The following APBB2 variants were observed in gnomAD, a reference collection of about 807,000 sequenced individuals.
APBB2 encodes the protein Fe65-like 1.
APBB2 carries 38 observed loss-of-function variants against 82.5 expected under a neutral mutation model. The ratio of observed to expected loss-of-function variants is 0.46; its 90% CI spans 0.36 to 0.60. APBB2 has a LOEUF of 0.60. Ranked by LOEUF, APBB2 falls within the 20% of genes least tolerant of loss-of-function variation. APBB2 has a pLI of 0.00. For missense variants in APBB2, 772 were observed against 972.3 expected (o/e 0.79, Z 2.74); for synonymous variants, 341 against 368.2 (o/e 0.93, Z 0.85).
chr4:41,037,943 G>A (rs899416820), intron 4 of APBB2, among the ~76,000 whole-genome samples: 1 of 151,996 alleles, frequency 6.6e-6, no homozygotes, highest in African/African-American at 2.4e-5. Flanking sequence ...AATGACATAC[G>A]GAGTTTAGAG....
chr4:41,067,050 G>A (rs1490750854), intron 3 of APBB2, among the ~76,000 whole-genome samples: 1 of 152,194 alleles, frequency 6.6e-6, no homozygotes, highest in Non-Finnish European at 1.5e-5. Flanking sequence ...CACATGGGTG[G>A]ATGGTAGTGA....
chr4:40,872,602 C>T (rs1333128869), intron 12 of APBB2, among the ~76,000 whole-genome samples: 1 of 151,964 alleles, frequency 6.6e-6, no homozygotes, highest in Non-Finnish European at 1.5e-5. Context: ...CATGGGTATC[C>T]AATAAATCCC....
chr4:40,976,124 G>A (rs1435620863), intron 6 of APBB2, among the ~76,000 whole-genome samples: 1 of 151,700 alleles, frequency 6.6e-6, no homozygotes, highest in Non-Finnish European at 1.5e-5. Flanking sequence ...AATGTTTAAG[G>A]CTATTTTTGT....
chr4:41,101,145 C>T (rs1300111298), intron 2 of APBB2, among the ~76,000 whole-genome samples: 1 of 152,182 alleles, frequency 6.6e-6, no homozygotes, highest in African/African-American at 2.4e-5. Flanking sequence ...ATGAGCTCAT[C>T]TTATCAACAC....
At chr4:40,889,447 G>C (rs912359738) in intron 12 of APBB2, among the ~76,000 whole-genome samples, 4 of 152,192 alleles carry the variant, frequency 2.6e-5, no homozygotes, top group African/African-American at 9.7e-5. Flanking sequence ...ATAAGCTCAG[G>C]AGAGCCGCCT....
At chr4:41,043,532 T>C (rs893473935) in intron 4 of APBB2, among the ~76,000 whole-genome samples, 1 of 152,210 alleles carries the variant, frequency 6.6e-6, no homozygotes, top group African/African-American at 2.4e-5. Context: ...AATCTTTTTA[T>C]GGTAAAATAA....
chr4:41,166,648 C>G (rs1168289330), intron 1 of APBB2, among the ~76,000 whole-genome samples: 1 of 151,038 alleles, frequency 6.6e-6, no homozygotes. Context: ...GTAATCCCAA[C>G]ACTTTGGGAG....
At chr4:40,942,631 C>G (rs982407173) in intron 7 of APBB2, among the ~76,000 whole-genome samples, 1 of 151,598 alleles carries the variant, frequency 6.6e-6, no homozygotes, top group South Asian at 2.1e-4. Context: ...GTGAGGAGGC[C>G]GAGCAGCGGG....
At chr4:41,009,265 G>A (rs1181347727) in intron 6 of APBB2, among the ~76,000 whole-genome samples, 1 of 140,344 alleles carries the variant, frequency 7.1e-6, no homozygotes, top group Non-Finnish European at 1.5e-5. Context: ...TTCTCACTTT[G>A]CAGTAGCAAG....
intron 4 of APBB2, among the ~76,000 whole-genome samples, chr4:41,034,123 C>T (rs545473390): frequency 2.0e-5 from 3 of 152,250 alleles, no homozygotes; most frequent in Admixed American, 6.5e-5. Context: ...TCCCACTGCT[C>T]GGCAATTCCA....
At chr4:41,049,925 TCG>T (rs1313154592) in intron 4 of APBB2, among the ~76,000 whole-genome samples, 1 of 152,032 alleles carries the variant, frequency 6.6e-6, no homozygotes, top group African/African-American at 2.4e-5. Context: ...GGCAGCATGC[TCG>T]TTAAGAGTCA....
chr4:41,081,003 C>T (rs894311566), intron 3 of APBB2, among the ~76,000 whole-genome samples: 1 of 152,192 alleles, frequency 6.6e-6, no homozygotes. Context: ...CCACCTGCCT[C>T]GGCCTGTAAA....
chr4:41,191,896 G>A (rs555596834), intron 1 of APBB2, among the ~76,000 whole-genome samples: 40 of 152,166 alleles, frequency 2.6e-4, no homozygotes, highest in African/African-American at 8.9e-4. Flanking sequence ...TGGCGGTCAC[G>A]ATCCAAAATT....
chr4:41,108,719 G>A (rs574501647), intron 2 of APBB2, among the ~76,000 whole-genome samples: 1 of 152,198 alleles, frequency 6.6e-6, no homozygotes, highest in Non-Finnish European at 1.5e-5. Flanking sequence ...CTGCATCAAG[G>A]GCAGTGTCTG....
Position 41,103,586 on chromosome 4 carries a change from T to C in APBB2, c.-260-2836A>G, listed in dbSNP as rs145290516. Among the ~76,000 whole-genome samples, 73 of 152,202 alleles carry C rather than the reference T, an allele frequency of 4.8e-4. No homozygotes were observed. In the East Asian group the frequency reaches 0.01, roughly 21 times the overall value. On this transcript the variant is annotated intron_variant, in intron 2 of 17. Transcript: ENST00000508593. ...GCAGTATTGAGAAAGTAGACTATAA[T>C]GTAATATACTCATCTTCCCAGTTTT...
At chr4:41,198,873 C>T (rs1030582191) in intron 1 of APBB2, among the ~76,000 whole-genome samples, 3 of 152,196 alleles carry the variant, frequency 2.0e-5, no homozygotes, top group Non-Finnish European at 4.4e-5. Context: ...CCTCCATCTT[C>T]GCATGTCTTC....
At chr4:40,993,397 T>C (rs2154413892) in intron 6 of APBB2, among the ~76,000 whole-genome samples, 1 of 150,994 alleles carries the variant, frequency 6.6e-6, no homozygotes, top group African/African-American at 2.4e-5. Flanking sequence ...ACAAAAATGT[T>C]TTTTGAGACA....
chr4:40,816,531 T>C (rs1745710029), intron 17 of APBB2, among the ~76,000 whole-genome samples: 1 of 152,206 alleles, frequency 6.6e-6, no homozygotes, highest in African/African-American at 2.4e-5. Flanking sequence ...CCGCAACGAA[T>C]ACACCTCACA....
At chr4:41,081,479 A>G (rs547347717) in intron 3 of APBB2, among the ~76,000 whole-genome samples, 204 of 152,384 alleles carry the variant, frequency 1.3e-3, no homozygotes, top group African/African-American at 4.7e-3. Flanking sequence ...TTTGTAATGC[A>G]TGCGTATAAA....
Sources: gnomAD v4.1 joint callset for allele counts (sites outside exome capture counted in the v4.1 genomes callset) on GRCh38, gnomAD v4.1.1 for gene constraint, MANE v1.5 for transcripts, NCBI Gene and HGNC (gene_info 2026-07-23, HGNC 2026-07-21) for gene names.